The following PTPRN2 variants were observed in gnomAD, a reference collection of about 807,000 sequenced individuals.
PTPRN2 encodes the protein protein tyrosine phosphatase receptor type N2.
PTPRN2 carries 74 observed loss-of-function variants against 118.8 expected under a neutral mutation model. The observed-to-expected ratio is 0.62, with a 90% CI of 0.52 to 0.76. PTPRN2 has a LOEUF of 0.76. Among genes scored for constraint, PTPRN2 ranks in the 30% least tolerant of loss-of-function variants. PTPRN2 has a pLI of 0.00. For missense variants in PTPRN2, 1,481 were observed against 1,394.4 expected (o/e 1.06, Z -0.99); for synonymous variants, 641 against 608.0 (o/e 1.05, Z -0.80).
chr7:158,128,475 G>A (rs990479242), intron 9 of PTPRN2, among the ~76,000 whole-genome samples: 6 of 152,094 alleles, frequency 3.9e-5, no homozygotes, highest in South Asian at 4.1e-4. Context: ...AGGCATGGCC[G>A]GCAAACCCAC....
intron 17 of PTPRN2, among the ~76,000 whole-genome samples, chr7:157,578,788 G>A (rs1374478547): frequency 6.6e-6 from 1 of 152,202 alleles, no homozygotes; most frequent in African/African-American, 2.4e-5. Context: ...TCGTTTCTTT[G>A]CAAACACAAC....
chr7:158,392,299 C>T (rs1250205493), intron 2 of PTPRN2, among the ~76,000 whole-genome samples: 3 of 152,192 alleles, frequency 2.0e-5, no homozygotes, highest in Non-Finnish European at 2.9e-5. Context: ...GACACAAAGG[C>T]AAGCCTCCTG....
intron 2 of PTPRN2, among the ~76,000 whole-genome samples, chr7:158,485,372 CT>C: frequency 2.1e-5 from 2 of 97,384 alleles, no homozygotes; most frequent in Non-Finnish European, 4.7e-5. Flanking sequence ...GGCCACCCCT[CT>C]CTGCGCCCCT....
chr7:157,783,843 G>A (rs1317676546), intron 12 of PTPRN2, among the ~76,000 whole-genome samples: 5 of 152,088 alleles, frequency 3.3e-5, no homozygotes, highest in Non-Finnish European at 4.4e-5. Context: ...CAGGCCCTCT[G>A]AGGCTTGAAC....
At chr7:158,585,203 C>T (rs576115775) in intron 1 of PTPRN2, among the ~76,000 whole-genome samples, 6 of 152,230 alleles carry the variant, frequency 3.9e-5, no homozygotes, top group East Asian at 3.9e-4. Flanking sequence ...TTGCATTCTC[C>T]GTGGATTGTG....
At chr7:157,696,279 A>G (rs2150849206) in intron 12 of PTPRN2, among the ~76,000 whole-genome samples, 1 of 131,710 alleles carries the variant, frequency 7.6e-6, no homozygotes, top group African/African-American at 3.0e-5. Context: ...CTACCCATGC[A>G]TACTGGATCT....
chr7:157,638,937 G>A (rs1013025188), intron 14 of PTPRN2, among the ~76,000 whole-genome samples: 8 of 152,186 alleles, frequency 5.3e-5, no homozygotes, highest in African/African-American at 1.9e-4. Context: ...CCCTTTGACT[G>A]CTTACAGAAA....
At chr7:157,927,847 G>A (rs1388788613) in intron 11 of PTPRN2, among the ~76,000 whole-genome samples, 1 of 152,032 alleles carries the variant, frequency 6.6e-6, no homozygotes, top group African/African-American at 2.4e-5. Flanking sequence ...GGATGTTTAC[G>A]AGTTCTTACG....
chr7:158,420,275 C>T (rs967805647), intron 2 of PTPRN2, among the ~76,000 whole-genome samples: 1 of 152,156 alleles, frequency 6.6e-6, no homozygotes, highest in Non-Finnish European at 1.5e-5. Context: ...CGCGAAAAGG[C>T]CCCTCAGTCT....
intron 1 of PTPRN2, among the ~76,000 whole-genome samples, chr7:158,523,721 AGTCTGCCCTGGAGTGGAGTC>A (rs1563393438): frequency 2.1e-5 from 1 of 47,484 alleles, no homozygotes; most frequent in Non-Finnish European, 3.9e-5. Flanking sequence ...CCTGGAGTGG[AGTCTGCCCTGGAGTGGAGTC>A]GTCTGCCCTG....
rs1002302700 is a variant in PTPRN2, at chr7:157,676,627, C to T, written c.2001+6098G>A. 1.3e-4 allele frequency among the ~76,000 whole-genome samples: 20 copies of T among 152,238 alleles called. No homozygotes were observed. The highest frequency in any genetic ancestry group is 2.2e-4 in the Non-Finnish European group (15 of 68,038). On this transcript the variant is annotated intron_variant, in intron 13 of 22. Transcript: ENST00000389418. The surrounding 1 kb of genome is among the most constrained non-coding windows in gnomAD (Gnocchi z 5.6). The stretch of plus-strand genomic sequence containing the variant: ...CAGTGGGGACAGCGCAGCTGGGGAC[C>T]GCCCAGTGCAGCTCTGCCACTGGCC...
At chr7:157,613,370 G>A (rs1338313747) in intron 15 of PTPRN2, among the ~76,000 whole-genome samples, 1 of 152,238 alleles carries the variant, frequency 6.6e-6, no homozygotes, top group Non-Finnish European at 1.5e-5. Flanking sequence ...GGCAGAGACG[G>A]CTGCGGGGAG....
intron 3 of PTPRN2, among the ~76,000 whole-genome samples, chr7:158,270,768 C>T (rs1283059768): frequency 2.1e-5 from 3 of 141,276 alleles, no homozygotes; most frequent in African/African-American, 5.5e-5. Context: ...CTGGACCACC[C>T]CGTCCACCTG....
chr7:157,994,642 G>T (rs1387161884), intron 11 of PTPRN2, among the ~76,000 whole-genome samples: 2 of 125,814 alleles, frequency 1.6e-5, no homozygotes, highest in African/African-American at 3.5e-5. Flanking sequence ...TCAACGCCGT[G>T]TCCCCAGCTT....
At chr7:158,140,187 C>A (rs73745143) in intron 6 of PTPRN2, among the ~76,000 whole-genome samples, 150 of 152,300 alleles carry the variant, frequency 9.8e-4, no homozygotes, top group African/African-American at 3.5e-3. Context: ...CAGGCATGAA[C>A]TGGATGGCAC....
chr7:158,186,652 T>G (rs907520851), intron 5 of PTPRN2, among the ~76,000 whole-genome samples: 5 of 150,882 alleles, frequency 3.3e-5, no homozygotes, highest in African/African-American at 1.2e-4. Flanking sequence ...ACCTGCCCCC[T>G]CTGGCATGAG....
chr7:157,826,581 C>T (rs578172535), intron 12 of PTPRN2, among the ~76,000 whole-genome samples: 2 of 148,546 alleles, frequency 1.3e-5, no homozygotes, highest in Admixed American at 1.3e-4. Context: ...CGAACACGAT[C>T]GTCACAATCG....
At chr7:158,553,123 C>G (rs1826769760) in intron 1 of PTPRN2, among the ~76,000 whole-genome samples, 1 of 152,094 alleles carries the variant, frequency 6.6e-6, no homozygotes, top group East Asian at 1.9e-4. Context: ...ACCACCTTCC[C>G]CATGTACACA....
chr7:157,976,365 C>T (rs1387099404), intron 11 of PTPRN2, among the ~76,000 whole-genome samples: 5 of 152,196 alleles, frequency 3.3e-5, no homozygotes, highest in Admixed American at 6.5e-5. Context: ...CTGCTCCTAG[C>T]ACCGGCTGGC....
Sources: allele counts gnomAD v4.1 joint callset (sites outside exome capture counted in the v4.1 genomes callset), GRCh38; gene constraint gnomAD v4.1.1; non-coding constraint Gnocchi (gnomAD v3.1); transcripts MANE v1.5; gene names NCBI Gene and HGNC (gene_info 2026-07-23, HGNC 2026-07-21).